FLOT1: variants seen among roughly 807,000 people sequenced by gnomAD.
FLOT1 encodes flotillin-1.
In FLOT1, 40 loss-of-function variants were observed where a neutral mutation model predicts 58.4. The ratio of observed to expected loss-of-function variants is 0.69; its 90% CI spans 0.53 to 0.89. The LOEUF (loss-of-function observed/expected upper bound fraction) is 0.89. FLOT1 is among the 40% of genes least tolerant of loss of function. FLOT1 has a pLI of 0.00. For synonymous variants in FLOT1, 178 were observed against 204.2 expected (o/e 0.87, Z 1.09); for missense variants, 423 against 540.8 (o/e 0.78, Z 2.16).
Position 30,740,536 on chromosome 6 carries a change from C to T in FLOT1, c.530G>A (p.Arg177Gln), listed in dbSNP as rs143363349. 2.2e-5 allele frequency: 36 copies of T among 1,612,878 alleles called. No individual in the cohort carries two copies. The African/African-American group carries it at 4.1e-4, about 19-fold the overall frequency. Residue 177 changes from arginine (R) to glutamine (Q), a missense_variant, in exon 7 of 13, where the codon CGG becomes CAG. Around this residue, in one of 6 missense-constraint regions of FLOT1, gnomAD observed 137 missense variants for 194.6 expected, o/e 0.70. Transcript: ENST00000376389. ...TCTCTTGGCCTCTGCTTCTCCAATC[C>T]GTGCATCTTTTTGGACTTGAGCTGT... ...ARTAQVQKDA[R>Q]IGEAEAKRDA...
chr6:30,741,297 C>T lies in FLOT1; in HGVS notation c.247G>A (p.Ala83Thr). ...TTCCCCAGGAACATCTGACAGGCGG[C>T]CGCCAACATCTCCTTGTTCTGCCCC... ...IQGQNKEMLAAACQMFLGKTE... is the reference protein window; with the variant it reads ...IQGQNKEMLATACQMFLGKTE... Residue 83 changes from alanine to threonine, a missense_variant, in exon 5 of 13, where the codon GCC (alanine) becomes ACC (threonine). By Grantham distance (58) the Ala-to-Thr change is moderately conservative. Around this residue, in one of 6 missense-constraint regions of FLOT1, gnomAD observed 91 missense variants for 118.3 expected, o/e 0.77. Coordinates refer to ENST00000376389, the MANE Select transcript of FLOT1 (RefSeq NM_005803.4). The surrounding 1 kb of genome is among the most constrained non-coding windows in gnomAD (Gnocchi z 5.9). 1 of 1,613,104 alleles carries T rather than the reference C, an allele frequency of 6.2e-7. No homozygotes were observed. The highest frequency in any genetic ancestry group is 8.5e-7 in the Non-Finnish European group (1 of 1,180,036).
rs376259833 is a variant in FLOT1 at position 30,741,777 on chromosome 6, T to C, written c.119+15A>G. On this transcript the variant is annotated intron_variant, in intron 3 of 12. Transcript: ENST00000376389. The surrounding 1 kb of genome is among the most constrained non-coding windows in gnomAD (Gnocchi z 5.9). ...AAAACGGAGGTCCCCCTTCCCTGGTTCCCTTCTTGCCTACCTCTGGATCTG... is the reference window on the plus strand; with the variant it reads ...AAAACGGAGGTCCCCCTTCCCTGGTCCCCTTCTTGCCTACCTCTGGATCTG... The C allele has an allele frequency of 8.7e-5, 140 of 1,612,700 alleles. 1 individual carries two copies. The Middle Eastern group carries it at 1.7e-3, about 19-fold the overall frequency.
intron 8 of FLOT1, among the ~76,000 whole-genome samples, chr6:30,735,698 A>G (rs1256322006): frequency 6.6e-6 from 1 of 152,178 alleles, no homozygotes; most frequent in Non-Finnish European, 1.5e-5. Flanking sequence ...CTGTTGGAGC[A>G]GGGCAGGAAC....
In FLOT1 at chr6:30,742,121, G is replaced by C; in HGVS notation, c.43+26C>G. On this transcript the variant is annotated intron_variant, in intron 2 of 12. Transcript: ENST00000376389. The surrounding 1 kb of genome is among the most constrained non-coding windows in gnomAD (Gnocchi z 5.2). ...ACTCACAGGGGTTCTGGGGTCACTG[G>C]CTGGGAAGGGAACAACAGTACTTAC... The C allele has an allele frequency of 6.2e-7, 1 of 1,610,736 alleles. No homozygotes were observed.
chr6:30,732,031 G>A (rs957902297), intron 8 of FLOT1, among the ~76,000 whole-genome samples: 5 of 152,040 alleles, frequency 3.3e-5, no homozygotes, highest in African/African-American at 9.7e-5. Flanking sequence ...GCAGTGGCAC[G>A]ATCAGCTCAG....
intron 8 of FLOT1, among the ~76,000 whole-genome samples, chr6:30,732,587 C>T (rs190944308): frequency 1.3e-5 from 2 of 151,960 alleles, no homozygotes; most frequent in African/African-American, 2.4e-5. Flanking sequence ...CCTGGGCTCA[C>T]GTGATCCACC....
chr6:30,735,029 A>G (rs1026219456), intron 8 of FLOT1, among the ~76,000 whole-genome samples: 9 of 152,166 alleles, frequency 5.9e-5, no homozygotes, highest in African/African-American at 2.2e-4. Context: ...GCTTCACCCT[A>G]CGGTGATCTG....
At chr6:30,730,265 G>T in intron 11 of FLOT1, 79 bp from the exon 12 acceptor site, 1 of 1,547,834 alleles carries the variant, frequency 6.5e-7, no homozygotes, top group Middle Eastern at 1.7e-4. Context: ...GGGTTTTAAG[G>T]TCCTCGTTCC....
chr6:30,730,407 G>A (rs759614689), intron 11 of FLOT1, 21 bp downstream of exon 11: 13 of 1,544,274 alleles, frequency 8.4e-6, no homozygotes, highest in Non-Finnish European at 1.1e-5. Context: ...TCCTTTCTTG[G>A]TGCCCACATG....
In FLOT1 at chr6:30,741,590, G is replaced by A; in HGVS notation, c.210+24C>T. 6 of 1,560,122 alleles carry A rather than the reference G, an allele frequency of 3.8e-6. No individual in the cohort carries two copies. Among genetic ancestry groups the A allele is most frequent in the Non-Finnish European group, 5.3e-6 (6 of 1,132,030 alleles). On this transcript the variant is annotated intron_variant, in intron 4 of 12. Coordinates refer to ENST00000376389, the MANE Select transcript of FLOT1 (RefSeq NM_005803.4). The surrounding 1 kb of genome is among the most constrained non-coding windows in gnomAD (Gnocchi z 5.9). Reference sequence around the variant, plus strand: ...GAGGGTGATGGGGAAGTGGACTGTGGGGAAAAGGCTCTGAAAGCTTCACCT... The same window carrying A: ...GAGGGTGATGGGGAAGTGGACTGTGAGGAAAAGGCTCTGAAAGCTTCACCT...
At chr6:30,735,465 A>T (rs1464279193) in intron 8 of FLOT1, among the ~76,000 whole-genome samples, 1 of 149,484 alleles carries the variant, frequency 6.7e-6, no homozygotes, top group Non-Finnish European at 1.5e-5. Context: ...AAAAAAAAAA[A>T]TACAAAAATT....
chr6:30,728,171 C>T (rs370715863), intron 12 of FLOT1, 26 bp from the exon 13 acceptor site: 2 of 1,611,560 alleles, frequency 1.2e-6, no homozygotes. Flanking sequence ...CAGTAGATGA[C>T]ACTTGGGAAC....
chr6:30,740,021 T>C, intron 8 of FLOT1, 137 bp downstream of exon 8: 1 of 774,316 alleles, frequency 1.3e-6, no homozygotes. Context: ...TCTCCTCATA[T>C]GGGGGAGTTG....
chr6:30,731,130 C>T, intron 8 of FLOT1, 30 bp from the exon 9 acceptor site: 1 of 1,571,724 alleles, frequency 6.4e-7, no homozygotes, highest in Non-Finnish European at 8.6e-7. Context: ...CAGGTTCACG[C>T]TCTGAGTCAG....
At position 30,741,607 on chromosome 6, in the gene FLOT1, G is replaced by A. The variant is rs760216386; in HGVS notation, c.210+7C>T. On this transcript the variant is annotated splice_region_variant and intron_variant, in intron 4 of 12. Transcript: ENST00000376389. The surrounding 1 kb of genome is among the most constrained non-coding windows in gnomAD (Gnocchi z 5.9). ...GGACTGTGGGGAAAAGGCTCTGAAA[G>A]CTTCACCTGGGCAATGCCAGTGACT... 4 of 1,605,418 alleles carry A rather than the reference G, an allele frequency of 2.5e-6. No homozygotes were observed. In the East Asian group the frequency reaches 6.7e-5, roughly 27 times the overall value.
In FLOT1 at chr6:30,730,035, A is replaced by T. The variant is rs760783487; in HGVS notation, c.1241T>A (p.Val414Glu). 4 of 1,612,892 alleles carry T rather than the reference A, an allele frequency of 2.5e-6. No homozygotes were observed. Among genetic ancestry groups the T allele is most frequent in the Non-Finnish European group, 3.4e-6 (4 of 1,180,020 alleles). Residue 414 changes from valine to glutamate, a missense_variant, in exon 12 of 13, where the codon GTG (valine) becomes GAG (glutamate). By Grantham distance (121) the Val-to-Glu change is moderately radical. Around this residue, in one of 6 missense-constraint regions of FLOT1, gnomAD observed 44 missense variants for 40.3 expected, o/e 1.09. Transcript: ENST00000376389. ...CTGAGACCTCACCTGGGAGATGCTC[A>T]CGCCTGTGAGTCTTTCCACACTCTC... Reference protein sequence around the residue: ...LPESVERLTGVSISQVNHKPL... With the variant: ...LPESVERLTGESISQVNHKPL...
intron 8 of FLOT1, among the ~76,000 whole-genome samples, chr6:30,733,606 T>C (rs1380966374): frequency 6.6e-6 from 1 of 151,362 alleles, no homozygotes; most frequent in Non-Finnish European, 1.5e-5. Flanking sequence ...CCAGCAATGG[T>C]GGCACATACC....
In FLOT1 at chr6:30,737,271, T is replaced by TCCATCC. The variant is rs879284208; in HGVS notation, c.723+2886_723+2887insGGATGG. Among the ~76,000 whole-genome samples, 1,602 of 151,650 alleles carry TCCATCC rather than the reference T, an allele frequency of 0.011. 33 individuals are homozygous for TCCATCC. Among genetic ancestry groups the TCCATCC allele is most frequent in the African/African-American group, 0.032 (1,316 of 41,220 alleles). ...GTCCATCCGTCCATCCATCCATCCA[T>TCCATCC]ATATCTATCTTAGAAGGAGTCTCGC... On this transcript the variant is annotated intron_variant, in intron 8 of 12. Coordinates refer to ENST00000376389, the MANE Select transcript of FLOT1 (RefSeq NM_005803.4). This position sits in a 1 kb window ranked among gnomAD's most constrained non-coding sequence, Gnocchi z 4.4.
Position 30,727,917 on chromosome 6 carries a change from T to G in FLOT1, c.*199A>C. On this transcript the variant is annotated 3_prime_UTR_variant, in exon 13 of 13. Transcript: ENST00000376389. Reference sequence around the variant, plus strand: ...GAAGGCTGACATGGGACCGCTGGAGTTGGCAATCATAGCAGTGTGAGGTTG... The same window carrying G: ...GAAGGCTGACATGGGACCGCTGGAGGTGGCAATCATAGCAGTGTGAGGTTG... 2 of 619,232 alleles carry G rather than the reference T, an allele frequency of 3.2e-6. No homozygotes were observed. Among genetic ancestry groups the G allele is most frequent in the Non-Finnish European group, 2.9e-6 (1 of 341,930 alleles). 38.4% of individuals were successfully genotyped at this position (619,232 alleles called of 1,614,324 possible). A position where few individuals can be genotyped will look rare whatever the true frequency, so the allele number is the denominator to read the frequency against.
Sources: allele counts gnomAD v4.1 joint callset (sites outside exome capture counted in the v4.1 genomes callset), GRCh38; gene constraint gnomAD v4.1.1; regional missense constraint gnomAD v4.1.1; non-coding constraint Gnocchi (gnomAD v3.1); transcripts MANE v1.5; gene names NCBI Gene and HGNC (gene_info 2026-07-23, HGNC 2026-07-21).